SORL1: variants seen among roughly 807,000 people sequenced by gnomAD.
SORL1 encodes sortilin-related receptor.
In SORL1, 127 loss-of-function variants were observed where a neutral mutation model predicts 273.7. That is an observed-to-expected ratio of 0.46 (90% CI 0.40 to 0.54). The LOEUF is 0.54. Among genes scored for constraint, SORL1 ranks in the 20% least tolerant of loss-of-function variants. SORL1 has a pLI of 0.00. For missense variants in SORL1, 2,494 were observed against 2,846.1 expected (o/e 0.88, Z 2.81); for synonymous variants, 1,031 against 1,067.4 (o/e 0.97, Z 0.66).
At chr11:121,579,862 G>C (rs1183675681) in intron 25 of SORL1, among the ~76,000 whole-genome samples, 2 of 152,172 alleles carry the variant, frequency 1.3e-5, no homozygotes, top group Non-Finnish European at 1.5e-5. Flanking sequence ...AGGAGTCTAT[G>C]AGTGGCAAAC....
At chr11:121,548,446 TTGA>T (rs760493303) in intron 14 of SORL1, among the ~76,000 whole-genome samples, 11 of 152,370 alleles carry the variant, frequency 7.2e-5, no homozygotes, top group Non-Finnish European at 4.4e-5. Context: ...CTGCTGCCTT[TTGA>T]ACAATTCTTA....
chr11:121,472,643 G>A (rs1266067275), intron 2 of SORL1, among the ~76,000 whole-genome samples: 1 of 152,286 alleles, frequency 6.6e-6, no homozygotes, highest in Non-Finnish European at 1.5e-5. Flanking sequence ...TGCTCTCTCT[G>A]TATATTTGGG....
At chr11:121,490,987 C>T (rs1861544640) in intron 5 of SORL1, among the ~76,000 whole-genome samples, 1 of 152,096 alleles carries the variant, frequency 6.6e-6, no homozygotes, top group Non-Finnish European at 1.5e-5. Context: ...GGATCATAAA[C>T]AGCTGTGTAG....
chr11:121,621,022 C>A, intron 43 of SORL1, 42 bp from the exon 44 acceptor site: 1 of 1,448,228 alleles, frequency 6.9e-7, no homozygotes, highest in South Asian at 1.2e-5. Flanking sequence ...TGAAAAATGT[C>A]AACTTTCTGA....
intron 28 of SORL1, 22 bp downstream of exon 28, chr11:121,588,173 A>T (rs779828039): frequency 1.2e-6 from 2 of 1,611,096 alleles, no homozygotes; most frequent in Admixed American, 3.3e-5. Context: ...CAGGCAGGGG[A>T]GGTGACTCAC....
At chr11:121,537,655 A>G (rs1268352390) in intron 12 of SORL1, among the ~76,000 whole-genome samples, 1 of 152,188 alleles carries the variant, frequency 6.6e-6, no homozygotes, top group African/African-American at 2.4e-5. Context: ...GTGATAGACA[A>G]TCTTTTGTTC....
intron 2 of SORL1, among the ~76,000 whole-genome samples, chr11:121,470,663 G>A (rs976208884): frequency 2.0e-5 from 3 of 152,176 alleles, no homozygotes; most frequent in Non-Finnish European, 4.4e-5. Flanking sequence ...CCACCTTCAA[G>A]TTTATAACAC....
Position 121,612,870 on chromosome 11 carries a change from G to C in SORL1, c.5419+38G>C, listed in dbSNP as rs560906923. 7 of 1,454,804 alleles carry C rather than the reference G, an allele frequency of 4.8e-6. No homozygotes were observed. The Admixed American group carries it at 1.0e-4, about 21-fold the overall frequency. The allele number at this position is 1,454,804 out of a possible 1,614,324, so 90.1% of individuals were successfully genotyped here. A position where few individuals can be genotyped will look rare whatever the true frequency, so the allele number is the denominator to read the frequency against. ...TGCTGGTCAGTGTGTGTGCAGGAAG[G>C]GGTAAGGCTGGACCAATGCTTTCCC... is the stretch of plus-strand genomic sequence containing the variant. On this transcript the variant is annotated intron_variant, in intron 40 of 47. Transcript: ENST00000260197.
intron 12 of SORL1, among the ~76,000 whole-genome samples, chr11:121,537,264 G>T (rs1475980726): frequency 6.6e-6 from 1 of 152,160 alleles, no homozygotes; most frequent in South Asian, 2.1e-4. Flanking sequence ...AGGTGATAGG[G>T]TCCCTTTGAA....
chr11:121,499,480 C>T (rs1037288609), intron 6 of SORL1, among the ~76,000 whole-genome samples: 3 of 152,220 alleles, frequency 2.0e-5, no homozygotes, highest in African/African-American at 4.8e-5. Flanking sequence ...GGTTGTCTAA[C>T]AATCACCAGT....
At chr11:121,598,506 C>T (rs1413568062) in intron 32 of SORL1, among the ~76,000 whole-genome samples, 3 of 152,186 alleles carry the variant, frequency 2.0e-5, no homozygotes, top group African/African-American at 4.8e-5. Context: ...TAGTGCAAGT[C>T]ATCCTGGAAG....
intron 24 of SORL1, chr11:121,576,976 G>A (rs2134936824): frequency 1.3e-6 from 2 of 1,503,202 alleles, no homozygotes; most frequent in Non-Finnish European, 1.8e-6. Flanking sequence ...ATCATAGCAA[G>A]CATAGAAAAT....
At chr11:121,507,526 T>A (rs1861806772) in intron 6 of SORL1, among the ~76,000 whole-genome samples, 1 of 152,110 alleles carries the variant, frequency 6.6e-6, no homozygotes, top group Admixed American at 6.6e-5. Flanking sequence ...GCTTTTTTAT[T>A]TTCCTGGTTC....
chr11:121,621,348 A>G, intron 44 of SORL1, 110 bp downstream of exon 44: 1 of 957,758 alleles, frequency 1.0e-6, no homozygotes, highest in Admixed American at 2.5e-5. Flanking sequence ...CAGGGAGTGC[A>G]AACGCTGCCC....
In SORL1 at chr11:121,486,652, C is replaced by T. The variant is rs536506998; in HGVS notation, c.529-1380C>T. ...CCACCACCATGCCCGGCTAATTTTT[C>T]GTATTTTTAGTAGAGATGGGTTTTC... is the stretch of plus-strand genomic sequence containing the variant. On this transcript the variant is annotated intron_variant, in intron 3 of 47. Transcript: ENST00000260197. 4.6e-3 allele frequency among the ~76,000 whole-genome samples: 701 copies of T among 151,758 alleles called. 6 individuals carry two copies. The highest frequency in any genetic ancestry group is 0.016 in the African/African-American group (675 of 41,404).
chr11:121,496,818 C>T (rs749675843), intron 5 of SORL1, 51 bp from the exon 6 acceptor site: 10 of 1,511,998 alleles, frequency 6.6e-6, no homozygotes, highest in Middle Eastern at 1.8e-4. Context: ...TTCCATGCCT[C>T]TAGTAATTAA....
chr11:121,621,811 T>C (rs528053695), intron 44 of SORL1, among the ~76,000 whole-genome samples: 1 of 152,362 alleles, frequency 6.6e-6, no homozygotes, highest in Non-Finnish European at 1.5e-5. Context: ...CTGGGCCATG[T>C]GCCATTGTCA....
chr11:121,519,617 T>A (rs1201444986), intron 8 of SORL1, among the ~76,000 whole-genome samples: 2 of 152,230 alleles, frequency 1.3e-5, no homozygotes, highest in Admixed American at 6.5e-5. Context: ...CTGAGCTTCC[T>A]GACAGAAAAC....
chr11:121,485,723 G>A (rs1861463818), intron 3 of SORL1, among the ~76,000 whole-genome samples: 1 of 152,224 alleles, frequency 6.6e-6, no homozygotes. Context: ...TGGTTTGGGA[G>A]CAGGAAGATG....
Sources: allele counts gnomAD v4.1 joint callset (sites outside exome capture counted in the v4.1 genomes callset), GRCh38; gene constraint gnomAD v4.1.1; transcripts MANE v1.5; gene names NCBI Gene and HGNC (gene_info 2026-07-23, HGNC 2026-07-21).